ITIH4: variants seen among roughly 807,000 people sequenced by gnomAD.
ITIH4 encodes the protein inter-alpha-trypsin inhibitor heavy chain 4, also known as inter-alpha-trypsin inhibitor heavy chain H4.
Under a neutral mutation model 111.8 loss-of-function variants are expected in ITIH4, and 79 were observed. The observed-to-expected ratio is 0.71, with a 90% CI of 0.59 to 0.85. The LOEUF (loss-of-function observed/expected upper bound fraction) is 0.85. Ranked by LOEUF, ITIH4 falls within the 40% of genes least tolerant of loss-of-function variation. ITIH4 has a pLI of 0.00. For synonymous variants in ITIH4, 472 were observed against 468.3 expected (o/e 1.01, Z -0.10); for missense variants, 1,065 against 1,195.8 (o/e 0.89, Z 1.61).
rs979250659 is a variant in ITIH4, at chr3:52,824,781, C to T, written c.876+61G>A. 4.1e-5 allele frequency: 57 copies of T among 1,407,120 alleles called. No individual in the cohort carries two copies. The South Asian group carries it at 6.2e-4, about 15-fold the overall frequency. 87.2% of individuals were successfully genotyped at this position (1,407,120 alleles called of 1,614,324 possible). A position where few individuals can be genotyped will look rare whatever the true frequency, so the allele number is the denominator to read the frequency against. ...GCAAGGGGGTCTGCCTGCCGGACCA[C>T]AGCTGATAGCGTGAAGGGCCTGGGA... On this transcript the variant is annotated intron_variant, in intron 7 of 23. Coordinates refer to ENST00000266041, the MANE Select transcript of ITIH4 (RefSeq NM_002218.5). The surrounding 1 kb of genome is among the most constrained non-coding windows in gnomAD (Gnocchi z 4.3).
rs1400603841 is a variant in ITIH4 at position 52,816,931 on chromosome 3, T to G, written c.2424A>C (p.Arg808Ser). Residue 808 changes from arginine to serine, a missense_variant, in exon 21 of 24, where the codon AGA becomes AGC. Coordinates refer to ENST00000266041, the MANE Select transcript of ITIH4 (RefSeq NM_002218.5). ...TCTCCTTCCACTTGTACGCAGAGCT[T>G]CTTCGGTTCCGAGTCACCACCACGT... is the stretch of plus-strand genomic sequence containing the variant. Reference protein sequence around the residue: ...PEHVVVTRNRRSSAYKWKETL... With the variant: ...PEHVVVTRNRSSSAYKWKETL... The G allele has an allele frequency of 1.2e-6, 2 of 1,614,032 alleles. No individual in the cohort carries two copies. The highest frequency in any genetic ancestry group is 3.3e-5 in the Admixed American group (2 of 60,014).
In ITIH4 at chr3:52,824,120, G is replaced by T; in HGVS notation, c.1171+70C>A. On this transcript the variant is annotated intron_variant, in intron 9 of 23. Transcript: ENST00000266041. The surrounding 1 kb of genome is among the most constrained non-coding windows in gnomAD (Gnocchi z 4.3). ...CCCCTCTCCCTGCCCAGATCCCACA[G>T]CAAGCCCAGGTGCAGCCCCAGCCGC... 1 of 1,589,884 alleles carries T rather than the reference G, an allele frequency of 6.3e-7. No individual in the cohort carries two copies.
In ITIH4 at chr3:52,824,906, A is replaced by T; in HGVS notation, c.812T>A (p.Met271Lys). ...AATGACAAAGACCACATTCTTGGGC[A>T]TTGTGGTTAGGCCCTCGGGGGCAAA... is the stretch of plus-strand genomic sequence containing the variant. ...HYFAPEGLTT[M>K]PKNVVFVIDK... Residue 271 changes from methionine (M) to lysine (K), a missense_variant, in exon 7 of 24, where the codon ATG (methionine) becomes AAG (lysine). Coordinates refer to ENST00000266041, the MANE Select transcript of ITIH4 (RefSeq NM_002218.5). The surrounding 1 kb of genome is among the most constrained non-coding windows in gnomAD (Gnocchi z 4.3). 6.2e-7 allele frequency: 1 copy of T among 1,614,084 alleles called. No homozygotes were observed. Among genetic ancestry groups the T allele is most frequent in the African/African-American group, 1.3e-5 (1 of 75,046 alleles).
rs758643215 is a variant in ITIH4 at position 52,820,310 on chromosome 3, TCTA to T, written c.1839_1841del (p.Ser613del). On this transcript the variant is annotated inframe_deletion, in exon 14 of 24. Transcript: ENST00000266041. ...GCTTACCTGAGTGGACATTCCTGTTTCTACTTTCTGGATAAAACAAAGAGAGAG... is the reference window on the plus strand; with the variant it reads ...GCTTACCTGAGTGGACATTCCTGTTTCTTTCTGGATAAAACAAAGAGAGAG... 6.2e-7 allele frequency: 1 copy of T among 1,614,014 alleles called. No individual in the cohort carries two copies. Among genetic ancestry groups the T allele is most frequent in the East Asian group, 2.2e-5 (1 of 44,888 alleles).
rs1304874373 is a variant in ITIH4 at position 52,824,703 on chromosome 3, C to A, written c.877-138G>T. On this transcript the variant is annotated intron_variant, in intron 7 of 23. Transcript: ENST00000266041. The surrounding 1 kb of genome is among the most constrained non-coding windows in gnomAD (Gnocchi z 4.3). ...CTAGGAACAGGGGCTGCCCTAGGCT[C>A]TGGCCAACCTTGGTTCCTGAGAGCC... is the stretch of plus-strand genomic sequence containing the variant. 17 of 1,267,884 alleles carry A rather than the reference C, an allele frequency of 1.3e-5. No homozygotes were observed. The highest frequency in any genetic ancestry group is 1.8e-5 in the Non-Finnish European group (16 of 908,542). 78.5% of individuals were successfully genotyped at this position (1,267,884 alleles called of 1,614,324 possible).
intron 23 of ITIH4, 72 bp from the exon 24 acceptor site, chr3:52,813,562 G>T: frequency 7.4e-7 from 1 of 1,344,174 alleles, no homozygotes; most frequent in Non-Finnish European, 1.1e-6. Context: ...GAGGGAGACA[G>T]CTGGGGACAG....
intron 11 of ITIH4, 105 bp downstream of exon 11, chr3:52,823,451 G>A: frequency 2.2e-6 from 2 of 893,872 alleles, no homozygotes; most frequent in Non-Finnish European, 3.4e-6. Flanking sequence ...ACAGGCAGCA[G>A]AGGGGAAAGC....
chr3:52,830,385 A>G, intron 1 of ITIH4, 168 bp downstream of exon 1: 1 of 724,052 alleles, frequency 1.4e-6, no homozygotes, highest in Non-Finnish European at 2.5e-6. Flanking sequence ...GGAGAATACC[A>G]GTAAGGCCCT....
In ITIH4 at chr3:52,813,338, TG is replaced by T. The variant is rs1320789313; in HGVS notation, c.*82del. On this transcript the variant is annotated 3_prime_UTR_variant, in exon 24 of 24. Coordinates refer to ENST00000266041, the MANE Select transcript of ITIH4 (RefSeq NM_002218.5). ...TAATGAGTGGGACTCTTCCTCCCCA[TG>T]GTGGTCCAGGCCCCAGAAGCGGCCC... 3.4e-6 allele frequency: 4 copies of T among 1,187,754 alleles called. No homozygotes were observed. In the African/African-American group the frequency reaches 4.5e-5, roughly 13 times the overall value. 73.6% of individuals were successfully genotyped at this position (1,187,754 alleles called of 1,614,324 possible). A position where few individuals can be genotyped will look rare whatever the true frequency, so the allele number is the denominator to read the frequency against.
intron 21 of ITIH4, among the ~76,000 whole-genome samples, chr3:52,815,139 A>C (rs965453765): frequency 2.6e-5 from 4 of 152,210 alleles, no homozygotes; most frequent in Non-Finnish European, 4.4e-5. Context: ...AGCATGTTGA[A>C]TAAGACCCTG....
chr3:52,828,773 A>G (rs1700522645), intron 2 of ITIH4, among the ~76,000 whole-genome samples: 1 of 152,142 alleles, frequency 6.6e-6, no homozygotes, highest in Non-Finnish European at 1.5e-5. Flanking sequence ...CTGTACTTTG[A>G]GCTGGAATGT....
chr3:52,820,750 C>T lies in ITIH4; in HGVS notation c.1715G>A (p.Arg572Gln), dbSNP rs901077568. Residue 572 changes from arginine to glutamine, a missense_variant, in exon 13 of 24, where the codon CGG (arginine) becomes CAG (glutamine). By Grantham distance (43) the Arg-to-Gln change is conservative (BLOSUM62 1). Transcript: ENST00000266041. ...AAGTGATAAATTCAGCGCTTGGTTC[C>T]GGAGGGCCTGCTGATCAGCATCGGA... The part of the protein sequence containing the change: ...SASDADQQAL[R>Q]NQALNLSLAY... The T allele has an allele frequency of 1.8e-5, 29 of 1,613,830 alleles. No individual in the cohort carries two copies. Among genetic ancestry groups the T allele is most frequent in the East Asian group, 4.5e-5 (2 of 44,882 alleles).
Position 52,826,124 on chromosome 3 carries a change from G to C in ITIH4, c.631-110C>G, listed in dbSNP as rs888561766. On this transcript the variant is annotated intron_variant, in intron 5 of 23. Transcript: ENST00000266041. ...ATCAGAATTCCAGGATGCAGCCTTG[G>C]GTCCGTATTCCAGGGCACTTTCTTT... 6.4e-5 allele frequency: 93 copies of C among 1,459,128 alleles called. No homozygotes were observed. The Admixed American group carries it at 8.1e-4, about 13-fold the overall frequency. The allele number at this position is 1,459,128 out of a possible 1,614,324, so 90.4% of individuals were successfully genotyped here.
rs560689185 is a variant in ITIH4 at position 52,820,002 on chromosome 3, T to A, written c.1862-12A>T. ...GAAGAAAGTGGAACCTGGAAATCAGTGGGACCTGGGTTTGCATCTTGCACC... is the reference window on the plus strand; with the variant it reads ...GAAGAAAGTGGAACCTGGAAATCAGAGGGACCTGGGTTTGCATCTTGCACC... On this transcript the variant is annotated splice_polypyrimidine_tract_variant and intron_variant, in intron 14 of 23. Coordinates refer to ENST00000266041, the MANE Select transcript of ITIH4 (RefSeq NM_002218.5). 8 of 1,613,958 alleles carry A rather than the reference T, an allele frequency of 5.0e-6. No individual in the cohort carries two copies. The highest frequency in any genetic ancestry group is 1.3e-5 in the African/African-American group (1 of 75,060).
At chr3:52,820,075 G>C in intron 14 of ITIH4, 85 bp from the exon 15 acceptor site, 1 of 1,457,338 alleles carries the variant, frequency 6.9e-7, no homozygotes, top group South Asian at 1.2e-5. Context: ...CTTAGTGCTG[G>C]GGACAGGGCC....
chr3:52,819,580 G>T, intron 16 of ITIH4, 62 bp from the exon 17 acceptor site: 1 of 1,609,206 alleles, frequency 6.2e-7, no homozygotes, highest in Non-Finnish European at 8.5e-7. Context: ...CACAGCCAGG[G>T]CTTGAGATCC....
intron 11 of ITIH4, among the ~76,000 whole-genome samples, chr3:52,822,540 A>C (rs749253512): frequency 1.2e-4 from 18 of 152,178 alleles, no homozygotes; most frequent in Admixed American, 4.6e-4. Context: ...TTATCACTGG[A>C]CATCAATCAC....
At chr3:52,819,156 G>A in intron 17 of ITIH4, 1 of 515,586 alleles carries the variant, frequency 1.9e-6, no homozygotes, top group South Asian at 2.1e-5. Flanking sequence ...GATGGGGCAG[G>A]GGGCAGCTGC....
rs548490762 is a variant in ITIH4 at position 52,814,874 on chromosome 3, G to A, written c.2472-511C>T. 4.6e-5 allele frequency among the ~76,000 whole-genome samples: 7 copies of A among 152,166 alleles called. No individual in the cohort carries two copies. The South Asian group carries it at 6.2e-4, about 14-fold the overall frequency. Reference sequence around the variant, plus strand: ...GCTGGGATTACAGGCGTGAGCCACCGCACCCGGCCTCTGGTTTTCTTAAAT... The same window carrying A: ...GCTGGGATTACAGGCGTGAGCCACCACACCCGGCCTCTGGTTTTCTTAAAT... On this transcript the variant is annotated intron_variant, in intron 21 of 23. Transcript: ENST00000266041.
Sources: gnomAD v4.1 joint callset for allele counts (sites outside exome capture counted in the v4.1 genomes callset) on GRCh38, gnomAD v4.1.1 for gene constraint, Gnocchi (gnomAD v3.1) non-coding constraint, MANE v1.5 for transcripts, NCBI Gene and HGNC (gene_info 2026-07-23, HGNC 2026-07-21) for gene names.